The following TMC1 variants were observed in gnomAD, a reference collection of about 807,000 sequenced individuals.
The protein encoded by TMC1 is transmembrane channel like 1.
A neutral mutation model predicts 105.8 loss-of-function variants in TMC1; 84 were observed. The observed-to-expected ratio is 0.79, with a 90% CI of 0.67 to 0.95. TMC1 has a LOEUF of 0.95. Ranked by LOEUF, TMC1 falls within the 40% of genes least tolerant of loss-of-function variation. The pLI is 0.00. For synonymous variants in TMC1, 315 were observed against 311.5 expected, an observed-to-expected ratio of 1.01 and a Z score of -0.12; for missense variants, 817 against 914.1, an observed-to-expected ratio of 0.89 and a Z score of 1.37.
intron 3 of TMC1, among the ~76,000 whole-genome samples, chr9:72,626,140 A>G (rs764452639): frequency 1.3e-5 from 2 of 152,196 alleles, no homozygotes; most frequent in Non-Finnish European, 2.9e-5. Context: ...AAGGAGACTT[A>G]GGTAATTTCA....
intron 23 of TMC1, among the ~76,000 whole-genome samples, chr9:72,832,501 T>C (rs1174468917): frequency 6.6e-6 from 1 of 152,196 alleles, no homozygotes; most frequent in Non-Finnish European, 1.5e-5. Context: ...TGTCTGAGTA[T>C]GGTAAGTTAC....
chr9:72,732,096 G>A (rs1827220073), intron 8 of TMC1, among the ~76,000 whole-genome samples: 1 of 152,082 alleles, frequency 6.6e-6, no homozygotes, highest in Admixed American at 6.6e-5. Flanking sequence ...TAACAAAACT[G>A]AATGACAATA....
At chr9:72,816,527 A>G (rs1325639105) in intron 19 of TMC1, among the ~76,000 whole-genome samples, 1 of 152,176 alleles carries the variant, frequency 6.6e-6, no homozygotes, top group Non-Finnish European at 1.5e-5. Context: ...TAATAATTAC[A>G]TTACCACATG....
intron 23 of TMC1, 67 bp downstream of exon 23, chr9:72,830,749 T>G: frequency 6.9e-7 from 1 of 1,440,692 alleles, no homozygotes; most frequent in South Asian, 1.3e-5. Flanking sequence ...TTTTTTTTTT[T>G]TTTTTGCTTT....
chr9:72,765,269 C>T (rs1827811502), intron 12 of TMC1, among the ~76,000 whole-genome samples: 1 of 152,068 alleles, frequency 6.6e-6, no homozygotes, highest in Non-Finnish European at 1.5e-5. Flanking sequence ...AATCACTATG[C>T]CTTTCCTGGT....
At chr9:72,674,246 C>T (rs1826167694) in intron 5 of TMC1, among the ~76,000 whole-genome samples, 1 of 152,054 alleles carries the variant, frequency 6.6e-6, no homozygotes, top group Non-Finnish European at 1.5e-5. Flanking sequence ...CAATCAATAC[C>T]TCAATAGGCT....
intron 13 of TMC1, among the ~76,000 whole-genome samples, chr9:72,786,051 T>C (rs894919334): frequency 3.3e-5 from 5 of 152,196 alleles, no homozygotes; most frequent in South Asian, 2.1e-4. Flanking sequence ...AGGCATTTAT[T>C]TGATTTGTTA....
At chr9:72,815,299 T>C (rs7850352) in intron 18 of TMC1, among the ~76,000 whole-genome samples, 10,205 of 152,226 alleles carry the variant, frequency 0.067, 398 homozygotes, top group African/African-American at 0.1. Context: ...GGCTCCTCTG[T>C]ACAAAAAACA....
At chr9:72,631,845 T>C (rs1034516776) in intron 4 of TMC1, among the ~76,000 whole-genome samples, 1 of 152,170 alleles carries the variant, frequency 6.6e-6, no homozygotes, top group African/African-American at 2.4e-5. Flanking sequence ...GAAGATGGGA[T>C]TGTTATGAAA....
chr9:72,590,814 C>T (rs1016083053), intron 2 of TMC1, among the ~76,000 whole-genome samples: 3 of 152,070 alleles, frequency 2.0e-5, no homozygotes, highest in African/African-American at 7.2e-5. Context: ...CATTTTTGAG[C>T]ATGTAAGAGG....
intron 2 of TMC1, chr9:72,578,265 C>CGTGTGTGTGT (rs67476636): frequency 6.1e-5 from 9 of 147,678 alleles, no homozygotes; most frequent in African/African-American, 2.0e-4. Flanking sequence ...CGCGCGCACG[C>CGTGTGTGTGT]GTGTGTGTGT....
chr9:72,733,812 C>T (rs549335957), intron 8 of TMC1, among the ~76,000 whole-genome samples: 4 of 152,116 alleles, frequency 2.6e-5, no homozygotes, highest in Admixed American at 6.6e-5. Flanking sequence ...GAAGAGAAGA[C>T]GTCTTACCAT....
chr9:72,702,588 G>A (rs1826662527), intron 8 of TMC1, among the ~76,000 whole-genome samples: 1 of 151,988 alleles, frequency 6.6e-6, no homozygotes, highest in South Asian at 2.1e-4. Context: ...TTCCTGAAGG[G>A]TGACAAGAGA....
intron 2 of TMC1, among the ~76,000 whole-genome samples, chr9:72,609,051 C>T (rs962698264): frequency 3.3e-5 from 5 of 152,124 alleles, no homozygotes; most frequent in Non-Finnish European, 7.4e-5. Flanking sequence ...TTCTCTTCCT[C>T]CCTTACTCCC....
At chr9:72,696,173 G>C (rs886429211) in intron 7 of TMC1, among the ~76,000 whole-genome samples, 1 of 152,030 alleles carries the variant, frequency 6.6e-6, no homozygotes, top group African/African-American at 2.4e-5. Context: ...TGCTCTCTTC[G>C]TCTGCTGATG....
In TMC1 at chr9:72,528,418, T is replaced by C. The variant is rs185946537; in HGVS notation, c.-428+6505T>C. On this transcript the variant is annotated intron_variant, in intron 1 of 23. Coordinates refer to ENST00000297784, the MANE Select transcript of TMC1 (RefSeq NM_138691.3). ...GGTGTGATCTCGGCTCACAACAAAC[T>C]CCGCCTCCCGGGTTCAAGCGATTCT... Among the ~76,000 whole-genome samples the C allele has an allele frequency of 8.6e-5, 13 of 150,858 alleles. No homozygotes were observed. In the East Asian group the frequency reaches 2.2e-3, roughly 25 times the overall value.
chr9:72,646,283 T>C (rs1825709962), intron 4 of TMC1, among the ~76,000 whole-genome samples: 1 of 152,216 alleles, frequency 6.6e-6, no homozygotes, highest in African/African-American at 2.4e-5. Context: ...GTAATAGTCT[T>C]AGTATTAAAT....
At chr9:72,535,846 C>T (rs1449270310) in intron 1 of TMC1, among the ~76,000 whole-genome samples, 1 of 152,172 alleles carries the variant, frequency 6.6e-6, no homozygotes, top group Non-Finnish European at 1.5e-5. Context: ...CTCTTTTTAA[C>T]AACCACTTCT....
At chr9:72,655,916 G>C in intron 5 of TMC1, 1 of 800,936 alleles carries the variant, frequency 1.2e-6, no homozygotes, top group Non-Finnish European at 2.2e-6. Flanking sequence ...CAGAAGGACT[G>C]AGCAAGTCAA....
Sources: allele counts gnomAD v4.1 joint callset (sites outside exome capture counted in the v4.1 genomes callset), GRCh38; gene constraint gnomAD v4.1.1; transcripts MANE v1.5; gene names NCBI Gene and HGNC (gene_info 2026-07-23, HGNC 2026-07-21).